Variants in HTR2C observed in about 807,000 individuals in gnomAD.
HTR2C encodes 5-hydroxytryptamine receptor 2C.
HTR2C carries 5 observed loss-of-function variants against 21.0 expected under a neutral mutation model. That is an observed-to-expected ratio of 0.24 (90% CI 0.12 to 0.50). The LOEUF (loss-of-function observed/expected upper bound fraction) is 0.50, where lower values mean the gene tolerates loss of function less well. HTR2C is among the 20% of genes least tolerant of loss of function. HTR2C has a pLI of 0.98. For missense variants in HTR2C, 271 were observed against 371.2 expected, an observed-to-expected ratio of 0.73 and a Z score of 2.22; for synonymous variants, 150 against 145.3, an observed-to-expected ratio of 1.03 and a Z score of -0.23.
intron 2 of HTR2C, chrX:114,652,739 C>T (rs782261870): frequency 4.7e-5 from 17 of 364,284 alleles, no homozygotes; most frequent in East Asian, 3.1e-4. Flanking sequence ...TACAATCCTA[C>T]GACCCAGACA....
intron 2 of HTR2C, among the ~76,000 whole-genome samples, chrX:114,628,262 G>A (rs1485302286): frequency 9.1e-6 from 1 of 110,492 alleles, no homozygotes. Context: ...TAATTGAGAT[G>A]GAGTCTCACT....
chrX:114,649,943 C>T (rs957928245), intron 2 of HTR2C, among the ~76,000 whole-genome samples: 1 of 111,407 alleles, frequency 9.0e-6, no homozygotes, highest in South Asian at 3.8e-4. Context: ...ATTTGTGTAG[C>T]ATCACCATTC....
intron 2 of HTR2C, among the ~76,000 whole-genome samples, chrX:114,700,780 G>C (rs1344500831): frequency 8.9e-6 from 1 of 112,760 alleles, no homozygotes; most frequent in Non-Finnish European, 1.9e-5. Flanking sequence ...GGAAGCCCAA[G>C]GGGTCAGGGA....
At chrX:114,756,016 C>G (rs2069809425) in intron 4 of HTR2C, among the ~76,000 whole-genome samples, 2 of 110,196 alleles carry the variant, frequency 1.8e-5, no homozygotes, top group Admixed American at 9.8e-5. Flanking sequence ...GAGGCTGAGG[C>G]AGGAGGATTG....
chrX:114,713,456 A>G (rs1470849699), intron 2 of HTR2C, among the ~76,000 whole-genome samples: 1 of 111,469 alleles, frequency 9.0e-6, no homozygotes, highest in Non-Finnish European at 1.9e-5. Context: ...ACATGTTGAT[A>G]TTTTAGCAAA....
At chrX:114,879,611 A>G (rs781836122) in intron 5 of HTR2C, among the ~76,000 whole-genome samples, 2 of 110,335 alleles carry the variant, frequency 1.8e-5, no homozygotes, top group Admixed American at 9.7e-5. Context: ...CCCGCCTCCT[A>G]TCCTTTCCCC....
At chrX:114,701,593 A>T (rs1330977428) in intron 2 of HTR2C, among the ~76,000 whole-genome samples, 2 of 111,540 alleles carry the variant, frequency 1.8e-5, no homozygotes, top group Non-Finnish European at 3.8e-5. Flanking sequence ...AAAAGTAGAT[A>T]AAACCACAAA....
chrX:114,736,018 C>T (rs184977537), intron 4 of HTR2C, among the ~76,000 whole-genome samples: 1,649 of 109,603 alleles, frequency 0.015, 16 homozygotes, highest in Non-Finnish European at 0.024. Context: ...GAGGTTGAGG[C>T]AGGAGAACGG....
At chrX:114,817,574 G>A (rs915690662) in intron 4 of HTR2C, among the ~76,000 whole-genome samples, 9 of 111,473 alleles carry the variant, frequency 8.1e-5, no homozygotes, top group Admixed American at 2.9e-4. Flanking sequence ...AGCAATCTCC[G>A]TGACATTTTA....
intron 5 of HTR2C, among the ~76,000 whole-genome samples, chrX:114,866,097 G>A (rs940301708): frequency 9.0e-6 from 1 of 111,610 alleles, no homozygotes; most frequent in African/African-American, 3.3e-5. Flanking sequence ...GATTATAGGC[G>A]TGAGCCACTG....
intron 4 of HTR2C, among the ~76,000 whole-genome samples, chrX:114,748,104 T>G (rs782353378): frequency 8.9e-6 from 1 of 112,257 alleles, no homozygotes; most frequent in South Asian, 3.7e-4. Context: ...CACAAATAAA[T>G]TGTGTTTCTA....
intron 5 of HTR2C, among the ~76,000 whole-genome samples, chrX:114,878,611 ACTC>A (rs1361496535): frequency 2.7e-5 from 3 of 109,400 alleles, no homozygotes; most frequent in African/African-American, 9.9e-5. Flanking sequence ...TGTCATTTAA[ACTC>A]CTAATACATG....
chrX:114,641,055 T>TTTTTCTTTTCTTTTCTTTTCTTTTC (rs1556406338), intron 2 of HTR2C, among the ~76,000 whole-genome samples: 1 of 101,426 alleles, frequency 9.9e-6, no homozygotes, highest in African/African-American at 3.9e-5. Context: ...TTTCTTTCTT[T>TTTTTCTTTTCTTTTCTTTTCTTTTC]TTTTCTTTTC....
At chrX:114,606,048 G>A (rs1569477520) in intron 1 of HTR2C, among the ~76,000 whole-genome samples, 1 of 109,089 alleles carries the variant, frequency 9.2e-6, no homozygotes, top group African/African-American at 3.4e-5. Flanking sequence ...AAGGGATTGG[G>A]GCACAGAGAT....
At chrX:114,709,798 A>C (rs1176201962) in intron 2 of HTR2C, among the ~76,000 whole-genome samples, 1 of 110,625 alleles carries the variant, frequency 9.0e-6, no homozygotes, top group Non-Finnish European at 1.9e-5. Flanking sequence ...TTTCTGCCTG[A>C]GTTCCTTCTT....
intron 2 of HTR2C, among the ~76,000 whole-genome samples, chrX:114,679,209 A>G (rs1556413201): frequency 1.8e-5 from 2 of 111,383 alleles, no homozygotes; most frequent in Non-Finnish European, 3.8e-5. Context: ...TGCTTTTTCT[A>G]CACACAGTGC....
intron 3 of HTR2C, among the ~76,000 whole-genome samples, chrX:114,727,296 C>T (rs1215021546): frequency 8.9e-6 from 1 of 111,757 alleles, no homozygotes; most frequent in African/African-American, 3.3e-5. Context: ...TGTCCTTTTC[C>T]TTCTTGCATG....
At chrX:114,763,470 GC>G (rs2069903138) in intron 4 of HTR2C, among the ~76,000 whole-genome samples, 1 of 111,607 alleles carries the variant, frequency 9.0e-6, no homozygotes, top group Admixed American at 9.6e-5. Flanking sequence ...CATTGAAAAA[GC>G]AATACTTGTC....
At chrX:114,847,320 A>G (rs1319548931) in intron 4 of HTR2C, among the ~76,000 whole-genome samples, 2 of 104,857 alleles carry the variant, frequency 1.9e-5, no homozygotes, top group Non-Finnish European at 3.9e-5. Context: ...CATCATTCTC[A>G]GTAAACTATC....
Sources: allele counts gnomAD v4.1 joint callset (sites outside exome capture counted in the v4.1 genomes callset), GRCh38; gene constraint gnomAD v4.1.1; transcripts MANE v1.5; gene names NCBI Gene and HGNC (gene_info 2026-07-23, HGNC 2026-07-21).